HMGCLL1: variants seen among roughly 807,000 people sequenced by gnomAD.
HMGCLL1 encodes 3-hydroxymethyl-3-methylglutaryl-CoA lyase, cytoplasmic.
HMGCLL1 carries 36 observed loss-of-function variants against 39.1 expected under a neutral mutation model. The observed-to-expected ratio is 0.92, with a 90% CI of 0.71 to 1.22. The LOEUF (loss-of-function observed/expected upper bound fraction) is 1.22, where lower values mean the gene tolerates loss of function less well. Among genes scored for constraint, HMGCLL1 ranks in the 50% most tolerant of loss-of-function variants. The pLI, the probability that HMGCLL1 is intolerant of heterozygous loss-of-function variation, is 0.00. For missense variants in HMGCLL1, 451 were observed against 416.5 expected (o/e 1.08, Z -0.72); for synonymous variants, 149 against 144.0 (o/e 1.03, Z -0.25).
the HMGCLL1 span, among the ~76,000 whole-genome samples, chr6:55,633,629 T>C: frequency 6.6e-6 from 1 of 152,010 alleles, no homozygotes; most frequent in Non-Finnish European, 1.5e-5. Flanking sequence ...GGAATCACTG[T>C]TGGTTTTCTA....
intron 7 of HMGCLL1, among the ~76,000 whole-genome samples, chr6:55,482,409 T>C (rs1162105164): frequency 6.6e-6 from 1 of 152,134 alleles, no homozygotes; most frequent in Non-Finnish European, 1.5e-5. Context: ...GATTCAGCCA[T>C]GGATATTCTT....
chr6:55,628,486 T>G, the HMGCLL1 span, among the ~76,000 whole-genome samples: 2 of 151,362 alleles, frequency 1.3e-5, no homozygotes, highest in Non-Finnish European at 2.9e-5. Flanking sequence ...TATTTTTTAG[T>G]AGAGATGGGG....
chr6:55,469,853 G>A (rs1325429101), intron 7 of HMGCLL1, among the ~76,000 whole-genome samples: 6 of 151,934 alleles, frequency 3.9e-5, no homozygotes, highest in Middle Eastern at 3.4e-3. Context: ...TAGATCTGGA[G>A]GTTTCATATT....
rs1446959694 is a variant in HMGCLL1 at position 55,553,086 on chromosome 6, T to A, written c.109-10946A>T. Reference sequence around the variant, plus strand: ...TGAATCCGGGAGGAGAAGATTGCAGTGAGCCGAGATCGTGCCATTGCACTC... The same window carrying A: ...TGAATCCGGGAGGAGAAGATTGCAGAGAGCCGAGATCGTGCCATTGCACTC... On this transcript the variant is annotated intron_variant, in intron 1 of 8. Transcript: ENST00000274901. Among the ~76,000 whole-genome samples, 4 of 149,644 alleles carry A rather than the reference T, an allele frequency of 2.7e-5. No individual in the cohort carries two copies. The East Asian group carries it at 7.9e-4, about 29-fold the overall frequency.
At chr6:55,574,219 T>C (rs1450057066) in intron 1 of HMGCLL1, among the ~76,000 whole-genome samples, 1 of 151,804 alleles carries the variant, frequency 6.6e-6, no homozygotes, top group East Asian at 1.9e-4. Flanking sequence ...AAAGAAAATA[T>C]TGAAACAAAT....
chr6:55,525,882 A>G (rs1448556859), intron 3 of HMGCLL1, among the ~76,000 whole-genome samples: 1 of 151,926 alleles, frequency 6.6e-6, no homozygotes, highest in Non-Finnish European at 1.5e-5. Flanking sequence ...TAGACCCTAC[A>G]AAACAGATTT....
rs527468866 is a variant in HMGCLL1 at position 55,454,915 on chromosome 6, CA to C, written c.796-15357del. The stretch of plus-strand genomic sequence containing the variant: ...TAAACTGGACACTGCTGTGTTTTTA[CA>C]TAGATATAAAATATTATGTATGCTA... On this transcript the variant is annotated intron_variant, in intron 7 of 8. Transcript: ENST00000274901. 3.0e-3 allele frequency among the ~76,000 whole-genome samples: 456 copies of C among 152,178 alleles called. 2 individuals are homozygous for C. The highest frequency in any genetic ancestry group is 0.01 in the African/African-American group (423 of 41,518).
intron 3 of HMGCLL1, among the ~76,000 whole-genome samples, chr6:55,539,658 A>T (rs942209043): frequency 2.0e-5 from 3 of 151,678 alleles, no homozygotes; most frequent in East Asian, 3.9e-4. Flanking sequence ...TGATGAGGAC[A>T]CACGGACACA....
chr6:55,456,802 C>T lies in HMGCLL1; in HGVS notation c.796-17243G>A, dbSNP rs144415036. Among the ~76,000 whole-genome samples the T allele has an allele frequency of 7.2e-3, 1,104 of 152,288 alleles. 8 individuals carry two copies. Among genetic ancestry groups the T allele is most frequent in the African/African-American group, 0.019 (794 of 41,562 alleles). On this transcript the variant is annotated intron_variant, in intron 7 of 8. Coordinates refer to ENST00000274901, the MANE Select transcript of HMGCLL1 (RefSeq NM_001042406.2). ...CTGCTTCTTTCTTTGTCCATCCAGC[C>T]TATAGGGCTCACTGCTATTGCAACG...
chr6:55,600,313 T>C, the HMGCLL1 span, among the ~76,000 whole-genome samples: 191 of 152,292 alleles, frequency 1.3e-3, no homozygotes, highest in African/African-American at 4.4e-3. Flanking sequence ...TTAAACTAAC[T>C]TCTTGAATGT....
At chr6:55,488,981 C>T (rs1298168623) in intron 7 of HMGCLL1, among the ~76,000 whole-genome samples, 6 of 151,832 alleles carry the variant, frequency 4.0e-5, no homozygotes, top group African/African-American at 1.2e-4. Context: ...AAGGGCTGGG[C>T]ATATAACCAT....
At chr6:55,600,961 T>C in the HMGCLL1 span, among the ~76,000 whole-genome samples, 1 of 152,178 alleles carries the variant, frequency 6.6e-6, no homozygotes, top group Non-Finnish European at 1.5e-5. Flanking sequence ...GAGAAAATCA[T>C]AGTTTAAGAA....
At chr6:55,474,460 A>T (rs1765198053) in intron 7 of HMGCLL1, among the ~76,000 whole-genome samples, 1 of 150,878 alleles carries the variant, frequency 6.6e-6, no homozygotes, top group Non-Finnish European at 1.5e-5. Context: ...TTTTTCTAGC[A>T]TTTCTTTTTT....
At chr6:55,519,707 A>C (rs1767936011) in intron 3 of HMGCLL1, among the ~76,000 whole-genome samples, 1 of 152,190 alleles carries the variant, frequency 6.6e-6, no homozygotes, top group South Asian at 2.1e-4. Flanking sequence ...AAGCCTAAGT[A>C]AACATAGTAT....
Position 55,434,640 on chromosome 6 carries a change from T to G in HMGCLL1, c.*1022A>C, listed in dbSNP as rs1763299882. On this transcript the variant is annotated 3_prime_UTR_variant, in exon 9 of 9. Coordinates refer to ENST00000274901, the MANE Select transcript of HMGCLL1 (RefSeq NM_001042406.2). The stretch of plus-strand genomic sequence containing the variant: ...ATCCCTGACTTTGATATATTACATC[T>G]TGCAATTTCTGGCAATCAATTCTAA... 1 of 152,034 alleles carries G rather than the reference T, an allele frequency of 6.6e-6. No homozygotes were observed. The highest frequency in any genetic ancestry group is 6.6e-5 in the Admixed American group (1 of 15,202). 9.4% of individuals were successfully genotyped at this position (152,034 alleles called of 1,614,324 possible). A position where few individuals can be genotyped will look rare whatever the true frequency, so the allele number is the denominator to read the frequency against.
At chr6:55,569,553 AG>A (rs1771372330) in intron 1 of HMGCLL1, among the ~76,000 whole-genome samples, 1 of 152,152 alleles carries the variant, frequency 6.6e-6, no homozygotes, top group South Asian at 2.1e-4. Context: ...TGTTGATCAT[AG>A]GCACATTTTT....
the HMGCLL1 span, among the ~76,000 whole-genome samples, chr6:55,606,466 C>T: frequency 1.3e-5 from 2 of 152,192 alleles, no homozygotes; most frequent in Admixed American, 6.5e-5. Flanking sequence ...ATCTTGGTTC[C>T]TAGCCCAGTG....
the HMGCLL1 span, among the ~76,000 whole-genome samples, chr6:55,637,714 ATGTG>A: frequency 2.0e-5 from 3 of 148,592 alleles, no homozygotes; most frequent in Non-Finnish European, 4.5e-5. Flanking sequence ...ATAATTTGAT[ATGTG>A]TGTGTGTGTG....
At chr6:55,645,789 T>A in the HMGCLL1 span, among the ~76,000 whole-genome samples, 4 of 151,984 alleles carry the variant, frequency 2.6e-5, no homozygotes, top group Non-Finnish European at 5.9e-5. Context: ...GCTGTTGAAC[T>A]CAGTTTGCCA....
Sources: allele counts gnomAD v4.1 joint callset (sites outside exome capture counted in the v4.1 genomes callset), GRCh38; gene constraint gnomAD v4.1.1; transcripts MANE v1.5; gene names NCBI Gene and HGNC (gene_info 2026-07-23, HGNC 2026-07-21).